The following CREBL2 variants were observed in gnomAD, a reference collection of about 807,000 sequenced individuals.
The protein encoded by CREBL2 is cAMP responsive element binding protein like 2.
In CREBL2, 4 loss-of-function variants were observed where a neutral mutation model predicts 19.5. The ratio of observed to expected loss-of-function variants is 0.20; its 90% CI spans 0.10 to 0.47. The LOEUF (loss-of-function observed/expected upper bound fraction) is 0.47, where lower values mean the gene tolerates loss of function less well. Among genes scored for constraint, CREBL2 ranks in the 20% least tolerant of loss-of-function variants. The pLI is 0.98. For missense variants in CREBL2, 85 were observed against 145.1 expected (o/e 0.59, Z 2.13); for synonymous variants, 42 against 46.6 (o/e 0.90, Z 0.40).
At chr12:12,641,244 A>ATTT (rs1566116871) in intron 3 of CREBL2, among the ~76,000 whole-genome samples, 8 of 15,584 alleles carry the variant, frequency 5.1e-4, no homozygotes, top group African/African-American at 8.9e-4. Flanking sequence ...TATTATTATT[A>ATTT]TTATTATTAT....
At chr12:12,619,973 A>C (rs897311503) in intron 1 of CREBL2, among the ~76,000 whole-genome samples, 1 of 152,114 alleles carries the variant, frequency 6.6e-6, no homozygotes, top group Non-Finnish European at 1.5e-5. Context: ...TCCAGTTCTG[A>C]GTAGTTCTGG....
chr12:12,635,510 A>G (rs1047312994), intron 1 of CREBL2, among the ~76,000 whole-genome samples: 7 of 152,158 alleles, frequency 4.6e-5, no homozygotes, highest in African/African-American at 1.7e-4. Context: ...TGGTTTGTAA[A>G]GTTTACTGGT....
chr12:12,625,016 C>T (rs1428305513), intron 1 of CREBL2, among the ~76,000 whole-genome samples: 1 of 152,134 alleles, frequency 6.6e-6, no homozygotes, highest in Non-Finnish European at 1.5e-5. Context: ...TGCCGTCAAG[C>T]CATTCCTCTG....
intron 1 of CREBL2, among the ~76,000 whole-genome samples, chr12:12,625,294 G>C (rs1247217143): frequency 6.6e-6 from 1 of 152,162 alleles, no homozygotes; most frequent in Admixed American, 6.5e-5. Flanking sequence ...GAGAAGAAGA[G>C]AGAAATCAGA....
At chr12:12,626,156 A>C (rs1033343670) in intron 1 of CREBL2, among the ~76,000 whole-genome samples, 4 of 152,080 alleles carry the variant, frequency 2.6e-5, no homozygotes, top group Non-Finnish European at 5.9e-5. Context: ...AATAGGATTA[A>C]ATGTGGGTGC....
intron 1 of CREBL2, among the ~76,000 whole-genome samples, chr12:12,617,590 C>T (rs1945320046): frequency 1.5e-5 from 2 of 132,958 alleles, no homozygotes; most frequent in Non-Finnish European, 3.1e-5. Flanking sequence ...AACAGTGATT[C>T]CTTGTGCTTT....
chr12:12,631,552 G>A (rs889411236), intron 1 of CREBL2, among the ~76,000 whole-genome samples: 3 of 152,202 alleles, frequency 2.0e-5, no homozygotes, highest in Non-Finnish European at 2.9e-5. Context: ...CCTCACAGAA[G>A]TTATCAGGAA....
intron 1 of CREBL2, among the ~76,000 whole-genome samples, chr12:12,622,080 A>G (rs73065415): frequency 5.9e-5 from 9 of 152,168 alleles, no homozygotes; most frequent in Non-Finnish European, 1.3e-4. Context: ...ATCTCTTCAG[A>G]TATTACTTTC....
chr12:12,629,769 G>C (rs1434834023), intron 1 of CREBL2, among the ~76,000 whole-genome samples: 1 of 151,962 alleles, frequency 6.6e-6, no homozygotes. Context: ...TATCAGATTG[G>C]GGAAGTTTCC....
intron 1 of CREBL2, among the ~76,000 whole-genome samples, chr12:12,624,694 T>C (rs1177290491): frequency 2.0e-5 from 3 of 152,194 alleles, no homozygotes; most frequent in African/African-American, 7.2e-5. Flanking sequence ...AGCTCTGCCA[T>C]CCGTGGATAG....
chr12:12,636,728 T>C (rs1483850659), intron 2 of CREBL2, among the ~76,000 whole-genome samples: 1 of 152,236 alleles, frequency 6.6e-6, no homozygotes, highest in African/African-American at 2.4e-5. Flanking sequence ...GCCAAGTGAT[T>C]TTGTTTATTT....
rs765651359 is a variant in CREBL2, at chr12:12,635,996, C to G, written c.213+22C>G. ...AATGGTAAGAAATCGTCAGTAAACA[C>G]ATGAAAAAATCACCTTAACAGTCAA... On this transcript the variant is annotated intron_variant, in intron 2 of 3. Transcript: ENST00000228865. 28 of 1,594,078 alleles carry G rather than the reference C, an allele frequency of 1.8e-5. No individual in the cohort carries two copies. The East Asian group carries it at 5.8e-4, about 33-fold the overall frequency.
chr12:12,642,033 A>C lies in CREBL2; in HGVS notation c.*35A>C, dbSNP rs141531026. The C allele has an allele frequency of 2.7e-4, 420 of 1,540,606 alleles. 2 individuals are homozygous for C. In the African/African-American group the frequency reaches 5.3e-3, roughly 19 times the overall value. ...AAAGATGAGTCAGTGATTGAAGCCAATATTCTGATTCCCATGGAAGATGGA... is the reference window on the plus strand; with the variant it reads ...AAAGATGAGTCAGTGATTGAAGCCACTATTCTGATTCCCATGGAAGATGGA... On this transcript the variant is annotated 3_prime_UTR_variant, in exon 4 of 4. Coordinates refer to ENST00000228865, the MANE Select transcript of CREBL2 (RefSeq NM_001310.4).
At chr12:12,635,526 A>G (rs1945468597) in intron 1 of CREBL2, among the ~76,000 whole-genome samples, 2 of 152,148 alleles carry the variant, frequency 1.3e-5, no homozygotes, top group South Asian at 2.1e-4. Context: ...CTGGTGAGCT[A>G]TTTAAACTTT....
At chr12:12,640,558 G>A (rs905365278) in intron 3 of CREBL2, among the ~76,000 whole-genome samples, 1 of 152,130 alleles carries the variant, frequency 6.6e-6, no homozygotes, top group Non-Finnish European at 1.5e-5. Flanking sequence ...TTATCACAGT[G>A]GTCCTGAGGT....
In CREBL2 at chr12:12,611,938, A is replaced by G; in HGVS notation, c.-235A>G. The G allele has an allele frequency of 1.7e-6, 1 of 577,292 alleles. No individual in the cohort carries two copies. The highest frequency in any genetic ancestry group is 3.1e-6 in the Non-Finnish European group (1 of 326,964). The allele number at this position is 577,292 out of a possible 1,614,324, so 35.8% of individuals were successfully genotyped here. On this transcript the variant is annotated 5_prime_UTR_variant, in exon 1 of 4. Coordinates refer to ENST00000228865, the MANE Select transcript of CREBL2 (RefSeq NM_001310.4). ...GAGACTGTCATGGAGGGGGAGGAGGAGGCGGCGGCGGCGAAGGGAGGCGTT... is the reference window on the plus strand; with the variant it reads ...GAGACTGTCATGGAGGGGGAGGAGGGGGCGGCGGCGGCGAAGGGAGGCGTT...
chr12:12,625,997 A>C (rs1332311148), intron 1 of CREBL2, among the ~76,000 whole-genome samples: 1 of 152,200 alleles, frequency 6.6e-6, no homozygotes, highest in Non-Finnish European at 1.5e-5. Flanking sequence ...GGTAATGTGA[A>C]ATAACATGAG....
intron 1 of CREBL2, among the ~76,000 whole-genome samples, chr12:12,628,454 G>A (rs891924439): frequency 3.3e-5 from 5 of 152,104 alleles, no homozygotes; most frequent in Non-Finnish European, 5.9e-5. Context: ...CTCCCATTCT[G>A]TGGGTTGTCT....
chr12:12,623,358 A>T (rs371345089), intron 1 of CREBL2, among the ~76,000 whole-genome samples: 9 of 152,300 alleles, frequency 5.9e-5, no homozygotes, highest in African/African-American at 2.2e-4. Flanking sequence ...TAAAAAAAAA[A>T]TAAAGCATAT....
Sources: gnomAD v4.1 joint callset for allele counts (sites outside exome capture counted in the v4.1 genomes callset) on GRCh38, gnomAD v4.1.1 for gene constraint, MANE v1.5 for transcripts, NCBI Gene and HGNC (gene_info 2026-07-23, HGNC 2026-07-21) for gene names.